The following SPSB4 variants were observed in gnomAD, a reference collection of about 807,000 sequenced individuals.
SPSB4 encodes the protein splA/ryanodine receptor domain and SOCS box containing 4, also known as SPRY domain-containing SOCS box protein 4.
A neutral mutation model predicts 20.9 loss-of-function variants in SPSB4; 21 were observed. The observed-to-expected ratio is 1.01, with a 90% CI of 0.71 to 1.45. SPSB4 has a LOEUF of 1.45. Ranked by LOEUF, SPSB4 falls within the 40% of genes most tolerant of loss-of-function variation. SPSB4 has a pLI of 0.00. For synonymous variants in SPSB4, 207 were observed against 183.8 expected (o/e 1.13, Z -1.02); for missense variants, 399 against 399.2 (o/e 1.00, Z 0.00).
intron 2 of SPSB4, among the ~76,000 whole-genome samples, chr3:141,089,002 A>G (rs1484403688): frequency 3.9e-5 from 6 of 152,154 alleles, no homozygotes; most frequent in African/African-American, 1.4e-4. Flanking sequence ...ACAGAGTACA[A>G]ACGGGGCCAC....
intron 2 of SPSB4, among the ~76,000 whole-genome samples, chr3:141,091,661 A>C (rs1938451422): frequency 6.6e-6 from 1 of 152,178 alleles, no homozygotes; most frequent in African/African-American, 2.4e-5. Context: ...TGCTCCTCTG[A>C]TCTCTCTGCC....
chr3:141,120,629 T>C (rs556448279), intron 2 of SPSB4, among the ~76,000 whole-genome samples: 4 of 152,220 alleles, frequency 2.6e-5, no homozygotes, highest in Non-Finnish European at 2.9e-5. Context: ...GGATAGTTAG[T>C]TCTTCTTGTT....
chr3:141,111,675 C>A (rs924967741), intron 2 of SPSB4, among the ~76,000 whole-genome samples: 3 of 152,134 alleles, frequency 2.0e-5, no homozygotes, highest in Non-Finnish European at 2.9e-5. Context: ...GAAACAGGTT[C>A]TTTAGGGCCC....
intron 1 of SPSB4, among the ~76,000 whole-genome samples, chr3:141,055,809 G>T (rs1937626052): frequency 6.6e-6 from 1 of 152,196 alleles, no homozygotes; most frequent in Non-Finnish European, 1.5e-5. Context: ...CTGAGAGTGT[G>T]GGTGTGCCCA....
chr3:141,072,587 C>T (rs1335115791), intron 2 of SPSB4, among the ~76,000 whole-genome samples: 1 of 152,162 alleles, frequency 6.6e-6, no homozygotes, highest in Admixed American at 6.5e-5. Context: ...TGAGTAAAAG[C>T]TTCCTGAGGC....
chr3:141,094,773 G>GC (rs1938517681), intron 2 of SPSB4, among the ~76,000 whole-genome samples: 2 of 25,588 alleles, frequency 7.8e-5, no homozygotes, highest in South Asian at 1.8e-3. Context: ...CCCGCCCCCC[G>GC]CCCCCCGCCC....
At chr3:141,144,696 G>A (rs116117687) in intron 2 of SPSB4, among the ~76,000 whole-genome samples, 2,046 of 152,254 alleles carry the variant, frequency 0.013, 31 homozygotes, top group African/African-American at 0.046. Flanking sequence ...TCTTCCTTTG[G>A]AATTTAGAAT....
rs140034389 is a variant in SPSB4, at chr3:141,088,050, G to A, written c.694+21252G>A. The stretch of plus-strand genomic sequence containing the variant: ...GACACAGCATCAGGGTGATAACTCC[G>A]CAGTGTGCTGTGGGGTGGGGAATGG... On this transcript the variant is annotated intron_variant, in intron 2 of 2. Transcript: ENST00000310546. Among the ~76,000 whole-genome samples, 11 of 152,232 alleles carry A rather than the reference G, an allele frequency of 7.2e-5. No individual in the cohort carries two copies. In the South Asian group the frequency reaches 8.3e-4, roughly 11 times the overall value.
chr3:141,070,721 T>C (rs939906572), intron 2 of SPSB4, among the ~76,000 whole-genome samples: 1 of 152,244 alleles, frequency 6.6e-6, no homozygotes, highest in Admixed American at 6.5e-5. Flanking sequence ...AATGACTCTT[T>C]GCACTAGTGC....
chr3:141,084,764 C>T lies in SPSB4; in HGVS notation c.694+17966C>T, dbSNP rs183786866. On this transcript the variant is annotated intron_variant, in intron 2 of 2. Transcript: ENST00000310546. ...TCCTCCAAGAAGCTTTTCTGCACTA[C>T]GGCAGCTGCTGGAGCTTCTATAGCT... Among the ~76,000 whole-genome samples, 7 of 152,382 alleles carry T rather than the reference C, an allele frequency of 4.6e-5. No individual in the cohort carries two copies. The East Asian group carries it at 7.7e-4, about 17-fold the overall frequency.
At chr3:141,105,785 A>G (rs1161256118) in intron 2 of SPSB4, among the ~76,000 whole-genome samples, 1 of 152,240 alleles carries the variant, frequency 6.6e-6, no homozygotes, top group Non-Finnish European at 1.5e-5. Context: ...CTTCAAAGTT[A>G]TAATAAAATA....
chr3:141,112,368 G>A (rs146181768), intron 2 of SPSB4, among the ~76,000 whole-genome samples: 11 of 152,254 alleles, frequency 7.2e-5, no homozygotes, highest in African/African-American at 2.2e-4. Context: ...GAAGGAGGCC[G>A]GGCGCGGTGG....
rs189550149 is a variant in SPSB4 at position 141,133,436 on chromosome 3, A to C, written c.695-13706A>C. On this transcript the variant is annotated intron_variant, in intron 2 of 2. Coordinates refer to ENST00000310546, the MANE Select transcript of SPSB4 (RefSeq NM_080862.3). ...TTTTATGGTTTCAGGTCTTAGATTT[A>C]AGTTTTTGACCCATCTTGAGGTGAT... Among the ~76,000 whole-genome samples the C allele has an allele frequency of 2.1e-3, 318 of 152,290 alleles. 1 individual carries two copies. Among genetic ancestry groups the C allele is most frequent in the African/African-American group, 7.4e-3 (308 of 41,570 alleles).
intron 2 of SPSB4, among the ~76,000 whole-genome samples, chr3:141,129,020 G>A (rs1249147378): frequency 6.6e-6 from 1 of 152,190 alleles, no homozygotes; most frequent in African/African-American, 2.4e-5. Flanking sequence ...ATCCAAAAAG[G>A]AAGCTGCTGT....
chr3:141,065,589 G>C (rs1450169121), intron 1 of SPSB4, among the ~76,000 whole-genome samples: 1 of 152,220 alleles, frequency 6.6e-6, no homozygotes, highest in Non-Finnish European at 1.5e-5. Flanking sequence ...ATTGTTCTAG[G>C]TCCGGAACAC....
chr3:141,079,162 G>A lies in SPSB4; in HGVS notation c.694+12364G>A, dbSNP rs538498712. The stretch of plus-strand genomic sequence containing the variant: ...TGTAGTCCCAGCTACTTGGGAGGCT[G>A]AGGCAGGAGGATGGCGTGAACCCGG... On this transcript the variant is annotated intron_variant, in intron 2 of 2. Transcript: ENST00000310546. 5.8e-4 allele frequency among the ~76,000 whole-genome samples: 89 copies of A among 152,152 alleles called. 1 individual carries two copies. In the South Asian group the frequency reaches 0.017, roughly 29 times the overall value.
chr3:141,076,215 C>T (rs914238457), intron 2 of SPSB4, among the ~76,000 whole-genome samples: 9 of 152,252 alleles, frequency 5.9e-5, no homozygotes, highest in African/African-American at 1.7e-4. Flanking sequence ...ACCTGGCTGA[C>T]GCCAGGCCAG....
chr3:141,139,223 G>A (rs1345758432), intron 2 of SPSB4, among the ~76,000 whole-genome samples: 1 of 152,002 alleles, frequency 6.6e-6, no homozygotes, highest in African/African-American at 2.4e-5. Context: ...TTGAGCCTAT[G>A]TGTGTCTCTG....
chr3:141,145,067 G>A (rs1327701992), intron 2 of SPSB4, among the ~76,000 whole-genome samples: 2 of 152,056 alleles, frequency 1.3e-5, no homozygotes, highest in Non-Finnish European at 2.9e-5. Flanking sequence ...TCAGCCTTCT[G>A]CACCTGGAAA....
Sources: allele counts gnomAD v4.1 joint callset (sites outside exome capture counted in the v4.1 genomes callset), GRCh38; gene constraint gnomAD v4.1.1; transcripts MANE v1.5; gene names NCBI Gene and HGNC (gene_info 2026-07-23, HGNC 2026-07-21).